The following ISOC1 variants were observed in gnomAD, a reference collection of about 807,000 sequenced individuals.
ISOC1 encodes the protein isochorismatase domain-containing protein 1.
A neutral mutation model predicts 30.0 loss-of-function variants in ISOC1; 33 were observed. That is an observed-to-expected ratio of 1.10 (90% confidence interval 0.83 to 1.47). The LOEUF is 1.47. ISOC1 is among the 40% of genes most tolerant of loss of function. The pLI, the probability that ISOC1 is intolerant of heterozygous loss-of-function variation, is 0.00. For synonymous variants in ISOC1, 178 were observed against 159.8 expected, an observed-to-expected ratio of 1.11 and a Z score of -0.86; for missense variants, 372 against 388.0, an observed-to-expected ratio of 0.96 and a Z score of 0.35.
Position 129,107,074 on chromosome 5 carries a change from G to T in ISOC1, c.750+12G>T, listed in dbSNP as rs780500212. On this transcript the variant is annotated intron_variant, in intron 4 of 4. Transcript: ENST00000173527. ...TGTTTGCCCTCGAGGTAATTGTCCTGCTTGGGAATAGATCATTTGTCAAGT... is the reference window on the plus strand; with the variant it reads ...TGTTTGCCCTCGAGGTAATTGTCCTTCTTGGGAATAGATCATTTGTCAAGT... 47 of 1,585,796 alleles carry T rather than the reference G, an allele frequency of 3.0e-5. No individual in the cohort carries two copies. The African/African-American group carries it at 5.7e-4, about 19-fold the overall frequency.
At position 129,105,277 on chromosome 5, in the gene ISOC1, A is replaced by AG; in HGVS notation, c.524dup (p.Val176CysfsTer60). 1 of 1,613,928 alleles carries AG rather than the reference A, an allele frequency of 6.2e-7. No individual in the cohort carries two copies. The highest frequency in any genetic ancestry group is 8.5e-7 in the Non-Finnish European group (1 of 1,179,852). Reference sequence around the variant, plus strand: ...GCACGGTTCAAGAAATTGATTTAACAGGTGTAAAACTGGTACTTCCAAAGA... The same window carrying AG: ...GCACGGTTCAAGAAATTGATTTAACAGGGTGTAAAACTGGTACTTCCAAAGA... On this transcript the variant is annotated frameshift_variant, in exon 3 of 5. Coordinates refer to ENST00000173527, the MANE Select transcript of ISOC1 (RefSeq NM_016048.2). LOFTEE classifies it high-confidence loss of function.
chr5:129,105,954 AAC>A (rs1753631915), intron 3 of ISOC1, among the ~76,000 whole-genome samples: 1 of 152,200 alleles, frequency 6.6e-6, no homozygotes, highest in South Asian at 2.1e-4. Context: ...AAACCACTAA[AAC>A]AATGAAATCA....
intron 2 of ISOC1, 48 bp downstream of exon 2, chr5:129,105,123 ACT>A: frequency 1.2e-6 from 2 of 1,612,598 alleles, no homozygotes; most frequent in Non-Finnish European, 1.7e-6. Context: ...CATCATATAC[ACT>A]CATATATACA....
intron 4 of ISOC1, among the ~76,000 whole-genome samples, chr5:129,109,531 A>G (rs1753679060): frequency 6.6e-6 from 1 of 152,128 alleles, no homozygotes; most frequent in South Asian, 2.1e-4. Context: ...TAGTTCTTGG[A>G]AGTTCTGAGA....
At chr5:129,095,239 G>A (rs764558912) in intron 1 of ISOC1, among the ~76,000 whole-genome samples, 164 bp downstream of exon 1, 1 of 152,186 alleles carries the variant, frequency 6.6e-6, no homozygotes, top group Non-Finnish European at 1.5e-5. Flanking sequence ...GCAAGTTCCG[G>A]GGCCGGCTGG....
At chr5:129,104,515 A>G (rs1253074702) in intron 1 of ISOC1, among the ~76,000 whole-genome samples, 1 of 152,130 alleles carries the variant, frequency 6.6e-6, no homozygotes, top group East Asian at 1.9e-4. Context: ...CACCCCAATT[A>G]TATAACCACT....
At chr5:129,107,416 C>T (rs914985130) in intron 4 of ISOC1, among the ~76,000 whole-genome samples, 1 of 152,092 alleles carries the variant, frequency 6.6e-6, no homozygotes, top group Non-Finnish European at 1.5e-5. Context: ...GGGTTTAACT[C>T]ATTTAGCCAA....
At chr5:129,095,598 C>A (rs555723019) in intron 1 of ISOC1, among the ~76,000 whole-genome samples, 16 of 152,348 alleles carry the variant, frequency 1.1e-4, no homozygotes, top group Admixed American at 3.9e-4. Context: ...GGTCCTTGGG[C>A]TTAAGAGTTC....
chr5:129,105,317 G>T lies in ISOC1; in HGVS notation c.562G>T (p.Val188Leu), dbSNP rs34948697. The change falls in exon 3 of 5, where the codon GTA (valine) becomes TTA (leucine). Residue 188 changes from valine to leucine, a missense_variant. By Grantham distance (32) the Val-to-Leu change is conservative. Transcript: ENST00000173527. ...LVLPKTKFSM[V>L]LPEVEAALAE... The stretch of plus-strand genomic sequence containing the variant: ...ACTTCCAAAGACCAAGTTTTCAATG[G>T]TATTACCAGAAGTAGAAGCGGCATT... The T allele has an allele frequency of 3.1e-4, 498 of 1,613,842 alleles. 1 individual carries two copies. The African/African-American group carries it at 5.9e-3, about 19-fold the overall frequency.
intron 1 of ISOC1, among the ~76,000 whole-genome samples, chr5:129,100,621 T>A (rs1303101882): frequency 6.6e-6 from 1 of 152,158 alleles, no homozygotes; most frequent in Admixed American, 6.5e-5. Context: ...GGACTGGCTG[T>A]CTTACAGTTG....
chr5:129,099,242 C>T (rs1753543466), intron 1 of ISOC1, among the ~76,000 whole-genome samples: 1 of 152,094 alleles, frequency 6.6e-6, no homozygotes, highest in African/African-American at 2.4e-5. Flanking sequence ...CAAGGGAATC[C>T]CAATGTAGAT....
intron 1 of ISOC1, among the ~76,000 whole-genome samples, chr5:129,104,274 G>A (rs1234850039): frequency 6.6e-6 from 1 of 152,078 alleles, no homozygotes; most frequent in Non-Finnish European, 1.5e-5. Flanking sequence ...CTGTCTTGAT[G>A]ATAGCAGTAA....
At chr5:129,095,445 G>A (rs1334449909) in intron 1 of ISOC1, among the ~76,000 whole-genome samples, 2 of 152,218 alleles carry the variant, frequency 1.3e-5, no homozygotes, top group African/African-American at 4.8e-5. Context: ...TTTATTTTGG[G>A]GTGATGGGTG....
chr5:129,095,297 G>A (rs934235971), intron 1 of ISOC1, among the ~76,000 whole-genome samples: 2 of 152,256 alleles, frequency 1.3e-5, no homozygotes, highest in African/African-American at 2.4e-5. Flanking sequence ...CCCCGGCGGG[G>A]GCGTGGGCCT....
At chr5:129,109,290 C>T (rs1228575109) in intron 4 of ISOC1, among the ~76,000 whole-genome samples, 2 of 152,160 alleles carry the variant, frequency 1.3e-5, no homozygotes, top group African/African-American at 4.8e-5. Flanking sequence ...GTTGTGTAAT[C>T]TCTATGCCTC....
rs886144300 is a variant in ISOC1, at chr5:129,113,925, G to A, written c.*924G>A. The stretch of plus-strand genomic sequence containing the variant: ...AATTTTGTGGTCATTGTTTCTCTTC[G>A]ATAAATTTATTTTCATTAAATACTT... On this transcript the variant is annotated 3_prime_UTR_variant, in exon 5 of 5. Coordinates refer to ENST00000173527, the MANE Select transcript of ISOC1 (RefSeq NM_016048.2). The A allele has an allele frequency of 3.3e-5, 5 of 152,040 alleles. No individual in the cohort carries two copies. Among genetic ancestry groups the A allele is most frequent in the Admixed American group, 1.3e-4 (2 of 15,252 alleles). The allele number at this position is 152,040 out of a possible 1,614,324, so 9.4% of individuals were successfully genotyped here.
At position 129,113,112 on chromosome 5, in the gene ISOC1, A is replaced by C; in HGVS notation, c.*111A>C. On this transcript the variant is annotated 3_prime_UTR_variant, in exon 5 of 5. Transcript: ENST00000173527. Reference sequence around the variant, plus strand: ...ACTAGAATTAAAATGTTAAGTCAAAAACGGCTCCTTTTTTGCGCCTCCTAG... The same window carrying C: ...ACTAGAATTAAAATGTTAAGTCAAACACGGCTCCTTTTTTGCGCCTCCTAG... 248 of 1,028,736 alleles carry C rather than the reference A, an allele frequency of 2.4e-4. No individual in the cohort carries two copies. The highest frequency in any genetic ancestry group is 4.5e-4 in the East Asian group (16 of 35,814). 63.7% of individuals were successfully genotyped at this position (1,028,736 alleles called of 1,614,324 possible).
intron 4 of ISOC1, among the ~76,000 whole-genome samples, chr5:129,111,695 C>T (rs1407151194): frequency 6.6e-6 from 1 of 151,924 alleles, no homozygotes; most frequent in African/African-American, 2.4e-5. Flanking sequence ...CTTCTATTTT[C>T]CTCCTTTCCT....
At chr5:129,105,137 A>T in intron 2 of ISOC1, 48 bp from the exon 3 acceptor site, 1 of 1,612,808 alleles carries the variant, frequency 6.2e-7, no homozygotes, top group Non-Finnish European at 8.5e-7. Context: ...ATATATACAC[A>T]TATATGTATA....
Sources: allele counts gnomAD v4.1 joint callset (sites outside exome capture counted in the v4.1 genomes callset), GRCh38; gene constraint gnomAD v4.1.1; transcripts MANE v1.5; gene names NCBI Gene and HGNC (gene_info 2026-07-23, HGNC 2026-07-21).